The following CFAP47 variants were observed in gnomAD, a reference collection of about 807,000 sequenced individuals.
The protein encoded by CFAP47 is cilia and flagella associated protein 47.
A neutral mutation model predicts 148.1 loss-of-function variants in CFAP47; 29 were observed. That is an observed-to-expected ratio of 0.20 (90% confidence interval 0.15 to 0.27). CFAP47 has a LOEUF of 0.27. Ranked by LOEUF, CFAP47 falls within the 10% of genes least tolerant of loss-of-function variation. The pLI is 1.00. For missense variants in CFAP47, 1,872 were observed against 1,697.5 expected (o/e 1.10, Z -1.81); for synonymous variants, 664 against 577.3 (o/e 1.15, Z -2.15).
intron 42 of CFAP47, among the ~76,000 whole-genome samples, chrX:36,200,175 G>T (rs183285358): frequency 2.7e-5 from 3 of 111,944 alleles, no homozygotes; most frequent in Non-Finnish European, 5.6e-5. Context: ...CAATCCCTGT[G>T]CTCTGGTTGC....
intron 26 of CFAP47, among the ~76,000 whole-genome samples, chrX:36,052,921 A>G (rs1004013411): frequency 9.0e-6 from 1 of 111,539 alleles, no homozygotes; most frequent in Non-Finnish European, 1.9e-5. Context: ...CCTCTTTCAG[A>G]TACCTTCCTG....
At chrX:36,140,834 A>G (rs1419134525) in intron 35 of CFAP47, among the ~76,000 whole-genome samples, 1 of 111,721 alleles carries the variant, frequency 9.0e-6, no homozygotes, top group Non-Finnish European at 1.9e-5. Flanking sequence ...GTAGGAATAT[A>G]CAGTTATTAC....
intron 42 of CFAP47, among the ~76,000 whole-genome samples, chrX:36,195,386 C>A (rs1428829331): frequency 1.8e-5 from 2 of 111,872 alleles, no homozygotes; most frequent in African/African-American, 3.2e-5. Context: ...AGAATGGTTT[C>A]TTGGAAGTGA....
At chrX:36,008,924 C>T (rs907984899) in intron 21 of CFAP47, among the ~76,000 whole-genome samples, 4 of 111,494 alleles carry the variant, frequency 3.6e-5, no homozygotes, top group Non-Finnish European at 7.5e-5. Flanking sequence ...CTGGTCACCG[C>T]CAGCTAGACT....
Position 35,989,352 on chromosome X carries a change from A to G in CFAP47, c.2747A>G (p.Glu916Gly), listed in dbSNP as rs1206055649. The change falls in exon 16 of 64, where the codon GAA becomes GGA. Residue 916 changes from glutamate to glycine, a missense_variant. Coordinates refer to ENST00000378653, the MANE Select transcript of CFAP47 (RefSeq NM_001304548.2). ...GAAGCATATTCCTCACTGGAATGTG[A>G]AGTAACTTGGCAGCAGGGCTTCAGT... ...TVEAYSSLEC[E>G]VTWQQGFSSP... is the part of the protein sequence containing the mutation. 2 of 1,208,965 alleles carry G rather than the reference A, an allele frequency of 1.7e-6. No individual in the cohort carries two copies. The highest frequency in any genetic ancestry group is 3.5e-5 in the African/African-American group (2 of 57,402).
intron 26 of CFAP47, among the ~76,000 whole-genome samples, chrX:36,064,739 A>T (rs1937622355): frequency 8.9e-6 from 1 of 111,885 alleles, no homozygotes; most frequent in Non-Finnish European, 1.9e-5. Flanking sequence ...TGAAATTAAT[A>T]AGGCAGTATT....
chrX:35,932,243 C>A (rs1935839226), intron 2 of CFAP47, among the ~76,000 whole-genome samples: 1 of 104,768 alleles, frequency 9.5e-6, no homozygotes, highest in African/African-American at 3.5e-5. Context: ...TTTTTCTTTT[C>A]TTTTCTTTCT....
intron 27 of CFAP47, among the ~76,000 whole-genome samples, chrX:36,070,793 C>G (rs1937737125): frequency 9.0e-6 from 1 of 111,664 alleles, no homozygotes; most frequent in Non-Finnish European, 1.9e-5. Context: ...CACCTGGCTG[C>G]AAAATCAGCT....
chrX:36,148,852 C>A (rs977135672), intron 36 of CFAP47, among the ~76,000 whole-genome samples: 5 of 108,230 alleles, frequency 4.6e-5, no homozygotes, highest in African/African-American at 1.7e-4. Flanking sequence ...TTTGTAATTC[C>A]CTTTGTTGAA....
intron 15 of CFAP47, among the ~76,000 whole-genome samples, chrX:35,983,952 G>T (rs1569224556): frequency 8.9e-6 from 1 of 111,761 alleles, no homozygotes. Flanking sequence ...CCAGGTTTTG[G>T]TATTAGAATG....
chrX:36,356,009 T>A (rs1463880720), intron 60 of CFAP47, among the ~76,000 whole-genome samples: 1 of 111,761 alleles, frequency 8.9e-6, no homozygotes, highest in Non-Finnish European at 1.9e-5. Context: ...ACATTGATTA[T>A]ACTTATAACC....
chrX:35,924,142 C>T (rs1569201365), intron 1 of CFAP47, among the ~76,000 whole-genome samples: 2 of 95,703 alleles, frequency 2.1e-5, no homozygotes, highest in African/African-American at 8.7e-5. Context: ...TATATGTGTA[C>T]ATGTATGCGT....
chrX:35,950,058 G>T (rs1469410347), intron 4 of CFAP47, among the ~76,000 whole-genome samples: 1 of 111,717 alleles, frequency 9.0e-6, no homozygotes, highest in Non-Finnish European at 1.9e-5. Flanking sequence ...TTTAAAAAAG[G>T]TCCCAGTCTT....
At chrX:36,071,527 T>C (rs1381256440) in intron 27 of CFAP47, among the ~76,000 whole-genome samples, 4 of 112,287 alleles carry the variant, frequency 3.6e-5, no homozygotes, top group Non-Finnish European at 7.5e-5. Flanking sequence ...CATATTCTTT[T>C]TTACGCTAAA....
chrX:36,145,885 A>AT (rs962357318), intron 36 of CFAP47, among the ~76,000 whole-genome samples: 1 of 110,496 alleles, frequency 9.1e-6, no homozygotes, highest in African/African-American at 3.3e-5. Context: ...GAAGAAAAAA[A>AT]AAAACAAAAC....
At chrX:35,970,955 A>G in intron 11 of CFAP47, 32 bp downstream of exon 11, 1 of 1,149,581 alleles carries the variant, frequency 8.7e-7, no homozygotes, top group East Asian at 3.1e-5. Context: ...AATATGCAAC[A>G]GATCATGGTG....
chrX:36,071,727 T>C, intron 27 of CFAP47, 98 bp from the exon 28 acceptor site: 1 of 729,901 alleles, frequency 1.4e-6, no homozygotes, highest in Admixed American at 3.2e-5. Context: ...GATAGATATA[T>C]ACATCAATAG....
chrX:36,000,114 A>T (rs1262922352), intron 19 of CFAP47, among the ~76,000 whole-genome samples, 169 bp from the exon 20 acceptor site: 1 of 111,261 alleles, frequency 9.0e-6, no homozygotes, highest in African/African-American at 3.3e-5. Context: ...AACTTATTAC[A>T]TGTAGGAGGC....
intron 42 of CFAP47, among the ~76,000 whole-genome samples, chrX:36,190,969 G>C (rs2146875688): frequency 8.9e-6 from 1 of 111,734 alleles, no homozygotes; most frequent in East Asian, 2.8e-4. Flanking sequence ...CATATACAGT[G>C]AAAAATGGTA....
Sources: gnomAD v4.1 joint callset for allele counts (sites outside exome capture counted in the v4.1 genomes callset) on GRCh38, gnomAD v4.1.1 for gene constraint, MANE v1.5 for transcripts, NCBI Gene and HGNC (gene_info 2026-07-23, HGNC 2026-07-21) for gene names.